Variants in NCBP1 observed in about 807,000 individuals in gnomAD.
NCBP1 encodes the protein nuclear cap binding protein subunit 1.
A neutral mutation model predicts 111.7 loss-of-function variants in NCBP1; 16 were observed. The observed-to-expected ratio is 0.14, with a 90% CI of 0.10 to 0.22. NCBP1 has a LOEUF of 0.22. Ranked by LOEUF, NCBP1 falls within the 10% of genes least tolerant of loss-of-function variation. NCBP1 has a pLI of 1.00. For missense variants in NCBP1, 607 were observed against 957.5 expected (o/e 0.63, Z 4.83); for synonymous variants, 304 against 314.3 (o/e 0.97, Z 0.35).
chr9:97,660,814 G>T, intron 15 of NCBP1, 132 bp from the exon 16 acceptor site: 1 of 1,053,494 alleles, frequency 9.5e-7, no homozygotes, highest in South Asian at 1.8e-5. Context: ...ATTAAATATT[G>T]ACCTTGGGAT....
At chr9:97,668,715 T>G in intron 20 of NCBP1, 131 bp from the exon 21 acceptor site, 3 of 906,230 alleles carry the variant, frequency 3.3e-6, no homozygotes, top group Non-Finnish European at 4.7e-6. Flanking sequence ...GGTGGCGGGG[T>G]GGGGGGGTAC....
chr9:97,656,088 A>G lies in NCBP1; in HGVS notation c.1373+3A>G, dbSNP rs1268725171. On this transcript the variant is annotated splice_donor_region_variant and intron_variant, in intron 14 of 22. Coordinates refer to ENST00000375147, the MANE Select transcript of NCBP1 (RefSeq NM_002486.5). ...GAAGTTCTAGAAAAATGTATGAGGTAAGTTTTTTGTGTTTTCTCCTTTTAA... is the reference window on the plus strand; with the variant it reads ...GAAGTTCTAGAAAAATGTATGAGGTGAGTTTTTTGTGTTTTCTCCTTTTAA... 3 of 1,611,392 alleles carry G rather than the reference A, an allele frequency of 1.9e-6. No homozygotes were observed. Among genetic ancestry groups the G allele is most frequent in the African/African-American group, 2.7e-5 (2 of 74,848 alleles).
intron 3 of NCBP1, 142 bp downstream of exon 3, chr9:97,641,804 C>T (rs538542554): frequency 1.1e-6 from 1 of 940,874 alleles, no homozygotes; most frequent in African/African-American, 1.7e-5. Context: ...AATGAGCCAA[C>T]CTTTGGCGCT....
chr9:97,656,352 C>T (rs1827654206), intron 14 of NCBP1, among the ~76,000 whole-genome samples: 3 of 152,164 alleles, frequency 2.0e-5, no homozygotes, highest in Non-Finnish European at 4.4e-5. Context: ...GAGGCCAAAG[C>T]GGGTGGATCA....
intron 6 of NCBP1, among the ~76,000 whole-genome samples, chr9:97,646,063 C>A (rs73498338): frequency 0.12 from 17,991 of 152,104 alleles, 3,020 homozygotes; most frequent in African/African-American, 0.37. Context: ...ATACTCAGAC[C>A]CCAACCCCCA....
chr9:97,643,423 A>G, intron 4 of NCBP1, 63 bp downstream of exon 4: 2 of 1,405,658 alleles, frequency 1.4e-6, no homozygotes, highest in Non-Finnish European at 9.5e-7. Context: ...AAGGTGAACT[A>G]CAACCAAATA....
At chr9:97,657,900 C>CGA (rs1827707841) in intron 14 of NCBP1, among the ~76,000 whole-genome samples, 1 of 70,964 alleles carries the variant, frequency 1.4e-5, no homozygotes, top group South Asian at 6.8e-4. Flanking sequence ...CTCTCTCTCT[C>CGA]TCTCTCTATA....
At chr9:97,664,178 C>CA (rs970840156) in intron 18 of NCBP1, among the ~76,000 whole-genome samples, 162 bp from the exon 19 acceptor site, 3 of 150,650 alleles carry the variant, frequency 2.0e-5, no homozygotes, top group Non-Finnish European at 4.4e-5. Flanking sequence ...CTCTGTCTCC[C>CA]AAAAAAAAGA....
At chr9:97,667,521 C>T (rs750126048) in intron 20 of NCBP1, among the ~76,000 whole-genome samples, 2 of 152,242 alleles carry the variant, frequency 1.3e-5, no homozygotes. Context: ...AACACTCAGA[C>T]CTGAAATACT....
chr9:97,639,875 A>T (rs1202702370), intron 1 of NCBP1, among the ~76,000 whole-genome samples: 9 of 152,184 alleles, frequency 5.9e-5, no homozygotes, highest in African/African-American at 2.2e-4. Flanking sequence ...CCTTCATTCA[A>T]CTTGAATTGT....
chr9:97,663,959 A>C (rs1827915379), intron 18 of NCBP1, among the ~76,000 whole-genome samples: 1 of 151,596 alleles, frequency 6.6e-6, no homozygotes, highest in Admixed American at 6.6e-5. Context: ...TGGATGGATC[A>C]CTTGAAGCCA....
intron 18 of NCBP1, among the ~76,000 whole-genome samples, chr9:97,663,461 T>G (rs192598615): frequency 2.6e-5 from 4 of 152,290 alleles, no homozygotes; most frequent in Non-Finnish European, 5.9e-5. Context: ...TTATGTATTT[T>G]TTTGAATACG....
chr9:97,642,117 T>C (rs1333451812), intron 3 of NCBP1, among the ~76,000 whole-genome samples: 1 of 152,062 alleles, frequency 6.6e-6, no homozygotes, highest in Non-Finnish European at 1.5e-5. Flanking sequence ...TTACATGAAA[T>C]TGTAATGTAT....
rs776589336 is a variant in NCBP1, at chr9:97,661,068, G to A, written c.1600G>A (p.Asp534Asn). The A allele has an allele frequency of 1.1e-5, 17 of 1,611,428 alleles. No individual in the cohort carries two copies. Among genetic ancestry groups the A allele is most frequent in the South Asian group, 5.5e-5 (5 of 90,884 alleles). ...AAATCCTAACCAGGATGATGACGACGGTAAGTGGAATTCAGTATTTCTTAA... is the reference window on the plus strand; with the variant it reads ...AAATCCTAACCAGGATGATGACGACAGTAAGTGGAATTCAGTATTTCTTAA... ...VPNPNQDDDDDEGFSFNPLKI... is the reference protein window; with the variant it reads ...VPNPNQDDDDNEGFSFNPLKI... Residue 534 changes from aspartate to asparagine, a missense_variant and splice_region_variant, in exon 16 of 23, where the codon GAT (aspartate) becomes AAT (asparagine). Asp to Asn is a conservative substitution (Grantham distance 23). Coordinates refer to ENST00000375147, the MANE Select transcript of NCBP1 (RefSeq NM_002486.5).
chr9:97,658,537 T>C (rs1587718091), intron 14 of NCBP1, 103 bp from the exon 15 acceptor site: 1 of 851,606 alleles, frequency 1.2e-6, no homozygotes, highest in East Asian at 2.5e-5. Flanking sequence ...GGTTGTCAGC[T>C]GAGTTCAAGT....
At chr9:97,658,586 C>A in intron 14 of NCBP1, 54 bp from the exon 15 acceptor site, 6 of 1,374,782 alleles carry the variant, frequency 4.4e-6, no homozygotes, top group Non-Finnish European at 5.2e-6. Flanking sequence ...TCGGGTGTTA[C>A]CGAAGAATGG....
Position 97,653,776 on chromosome 9 carries a change from G to C in NCBP1, c.1060-22G>C, listed in dbSNP as rs374569178. 1.4e-3 allele frequency: 2,149 copies of C among 1,583,306 alleles called. 6 individuals are homozygous for C. Among genetic ancestry groups the C allele is most frequent in the Middle Eastern group, 3.8e-3 (23 of 5,992 alleles). ...GCAAAGATAGCAGTTGGATTGAATTGTGACTCATGATTCTTTTGTAGGTGA... is the reference window on the plus strand; with the variant it reads ...GCAAAGATAGCAGTTGGATTGAATTCTGACTCATGATTCTTTTGTAGGTGA... On this transcript the variant is annotated intron_variant, in intron 10 of 22. Transcript: ENST00000375147.
chr9:97,643,119 G>T, intron 3 of NCBP1, 85 bp from the exon 4 acceptor site: 1 of 1,348,420 alleles, frequency 7.4e-7, no homozygotes, highest in Non-Finnish European at 1.0e-6. Flanking sequence ...CAAAGTTAAT[G>T]GAATGATAAA....
At position 97,664,750 on chromosome 9, in the gene NCBP1, C is replaced by A. The variant is rs1209073747; in HGVS notation, c.1901+307C>A. ...AGCAAGAGCCAGCTATGTGCAGAGT[C>A]TCAGCTAGTCCAGATGGAACTCGGG... is the stretch of plus-strand genomic sequence containing the variant. On this transcript the variant is annotated intron_variant, in intron 19 of 22. Transcript: ENST00000375147. Among the ~76,000 whole-genome samples, 5 of 152,262 alleles carry A rather than the reference C, an allele frequency of 3.3e-5. No homozygotes were observed. In the South Asian group the frequency reaches 1.0e-3, roughly 32 times the overall value.
Sources: allele counts gnomAD v4.1 joint callset (sites outside exome capture counted in the v4.1 genomes callset), GRCh38; gene constraint gnomAD v4.1.1; transcripts MANE v1.5; gene names NCBI Gene and HGNC (gene_info 2026-07-23, HGNC 2026-07-21).